The following GALNT13 variants were observed in gnomAD, a reference collection of about 807,000 sequenced individuals.
The protein encoded by GALNT13 is UDP-GalNAc:polypeptide N-acetylgalactosaminyltransferase 13.
Under a neutral mutation model 64.2 loss-of-function variants are expected in GALNT13, and 28 were observed. The ratio of observed to expected loss-of-function variants is 0.44; its 90% confidence interval spans 0.32 to 0.60. GALNT13 has a LOEUF of 0.60. Ranked by LOEUF, GALNT13 falls within the 20% of genes least tolerant of loss-of-function variation. GALNT13 has a pLI of 0.05. For missense variants in GALNT13, 577 were observed against 669.8 expected (o/e 0.86, Z 1.53); for synonymous variants, 214 against 224.6 (o/e 0.95, Z 0.42).
the GALNT13 span, among the ~76,000 whole-genome samples, chr2:153,719,940 A>G: frequency 2.4e-4 from 37 of 152,194 alleles, no homozygotes; most frequent in South Asian, 1.0e-3. Flanking sequence ...CGGGAAGCTC[A>G]AACTGGGTGG....
At chr2:154,115,150 A>G (rs1312922788) in intron 3 of GALNT13, among the ~76,000 whole-genome samples, 1 of 152,168 alleles carries the variant, frequency 6.6e-6, no homozygotes. Flanking sequence ...CATCATCCCA[A>G]TCTCCCTAAG....
the GALNT13 span, among the ~76,000 whole-genome samples, chr2:153,834,655 C>T: frequency 6.6e-6 from 1 of 152,000 alleles, no homozygotes; most frequent in Non-Finnish European, 1.5e-5. Flanking sequence ...TATCTATGCT[C>T]AAAACATATC....
chr2:154,086,282 C>T (rs1203829660), intron 3 of GALNT13, among the ~76,000 whole-genome samples: 1 of 147,156 alleles, frequency 6.8e-6, no homozygotes, highest in Non-Finnish European at 1.5e-5. Context: ...CCTCCTTCCC[C>T]ACACTTACCT....
the GALNT13 span, among the ~76,000 whole-genome samples, chr2:153,544,013 C>T: frequency 8.5e-5 from 13 of 152,276 alleles, no homozygotes; most frequent in South Asian, 6.2e-4. Context: ...TGGGAGCACA[C>T]GTCATCAGCT....
rs141772803 is a variant in GALNT13, at chr2:153,908,316, A to T, written c.-105+7309A>T. On this transcript the variant is annotated intron_variant, in intron 2 of 12. Transcript: ENST00000392825. ...GAGCTTTGTCAGATGCATAGTTTGC[A>T]TATATATTTCCCATTCTATAGGTTG... Among the ~76,000 whole-genome samples the T allele has an allele frequency of 8.5e-5, 13 of 152,240 alleles. No homozygotes were observed. The East Asian group carries it at 2.5e-3, about 29-fold the overall frequency.
intron 3 of GALNT13, among the ~76,000 whole-genome samples, chr2:153,984,801 C>CT (rs1033178446): frequency 1.1e-4 from 16 of 151,624 alleles, no homozygotes; most frequent in African/African-American, 2.9e-4. Flanking sequence ...TATTTCCTCT[C>CT]TTTTTTTTCA....
At chr2:153,712,117 A>G in the GALNT13 span, among the ~76,000 whole-genome samples, 1 of 152,180 alleles carries the variant, frequency 6.6e-6, no homozygotes, top group Non-Finnish European at 1.5e-5. Context: ...AGAAACTTCA[A>G]GGGTAACTAG....
chr2:154,111,845 A>G (rs926550459), intron 3 of GALNT13, among the ~76,000 whole-genome samples: 14 of 152,306 alleles, frequency 9.2e-5, no homozygotes, highest in South Asian at 2.1e-4. Context: ...CCACTGTTCT[A>G]TAAATCCAGG....
intron 8 of GALNT13, among the ~76,000 whole-genome samples, chr2:154,293,862 G>A (rs191752068): frequency 6.9e-4 from 105 of 152,102 alleles, no homozygotes; most frequent in African/African-American, 2.1e-3. Context: ...TCACATTACC[G>A]TGGAGTCTAA....
the GALNT13 span, among the ~76,000 whole-genome samples, chr2:153,640,687 C>T: frequency 8.6e-5 from 13 of 152,046 alleles, no homozygotes; most frequent in Non-Finnish European, 1.6e-4. Flanking sequence ...GGTGCTGAGG[C>T]GGGAGGATCA....
intron 3 of GALNT13, among the ~76,000 whole-genome samples, chr2:154,072,933 A>G (rs767734990): frequency 1.3e-5 from 2 of 152,044 alleles, no homozygotes; most frequent in Non-Finnish European, 2.9e-5. Flanking sequence ...ACTTCAGGAT[A>G]TTAATGTGGC....
chr2:153,505,884 A>T, the GALNT13 span, among the ~76,000 whole-genome samples: 1 of 152,062 alleles, frequency 6.6e-6, no homozygotes, highest in Non-Finnish European at 1.5e-5. Context: ...TTGTTCTAGG[A>T]TATAGTTTAA....
chr2:153,201,211 C>G, the GALNT13 span, among the ~76,000 whole-genome samples: 13 of 152,270 alleles, frequency 8.5e-5, no homozygotes, highest in East Asian at 2.5e-3. Context: ...CTGTGCTAGC[C>G]CTGTAGATGT....
chr2:154,116,962 A>G (rs949151588), intron 3 of GALNT13, among the ~76,000 whole-genome samples: 9 of 152,312 alleles, frequency 5.9e-5, no homozygotes, highest in Middle Eastern at 3.4e-3. Flanking sequence ...ACAGTAGGCC[A>G]GCTGCAAGCT....
chr2:153,736,868 C>G, the GALNT13 span, among the ~76,000 whole-genome samples: 2 of 152,290 alleles, frequency 1.3e-5, no homozygotes, highest in Non-Finnish European at 1.5e-5. Context: ...CCACCCCTGC[C>G]AAATGGATGC....
intron 3 of GALNT13, among the ~76,000 whole-genome samples, chr2:154,028,317 T>A (rs1698115752): frequency 6.6e-6 from 1 of 152,168 alleles, no homozygotes; most frequent in African/African-American, 2.4e-5. Flanking sequence ...AATTTATTCT[T>A]CACAAGGCCA....
chr2:153,639,476 T>G, the GALNT13 span, among the ~76,000 whole-genome samples: 1 of 152,164 alleles, frequency 6.6e-6, no homozygotes, highest in Non-Finnish European at 1.5e-5. Context: ...AAAGACCATG[T>G]ACATGAACAT....
At chr2:153,329,124 TG>T in the GALNT13 span, among the ~76,000 whole-genome samples, 1 of 152,006 alleles carries the variant, frequency 6.6e-6, no homozygotes, top group African/African-American at 2.4e-5. Context: ...TTGCCTTCCA[TG>T]GGCTGCACCC....
chr2:154,125,230 A>C (rs900830735), intron 3 of GALNT13, among the ~76,000 whole-genome samples: 1 of 152,182 alleles, frequency 6.6e-6, no homozygotes, highest in Non-Finnish European at 1.5e-5. Flanking sequence ...TGGTCATTGA[A>C]ATTTTCTAGT....
Sources: allele counts gnomAD v4.1 joint callset (sites outside exome capture counted in the v4.1 genomes callset), GRCh38; gene constraint gnomAD v4.1.1; transcripts MANE v1.5; gene names NCBI Gene and HGNC (gene_info 2026-07-23, HGNC 2026-07-21).